Variants in GCNT1 observed in about 807,000 individuals in gnomAD.
GCNT1 encodes beta-1,3-galactosyl-O-glycosyl-glycoprotein beta-1,6-N-acetylglucosaminyltransferase.
Under a neutral mutation model 26.2 loss-of-function variants are expected in GCNT1, and 16 were observed. The observed-to-expected ratio is 0.61, with a 90% CI of 0.41 to 0.93. The LOEUF (loss-of-function observed/expected upper bound fraction) is 0.93, where lower values mean the gene tolerates loss of function less well. Among genes scored for constraint, GCNT1 ranks in the 40% least tolerant of loss-of-function variants. GCNT1 has a pLI of 0.00. For synonymous variants in GCNT1, 183 were observed against 190.8 expected (o/e 0.96, Z 0.34); for missense variants, 477 against 526.7 (o/e 0.91, Z 0.92).
At position 76,422,385 on chromosome 9, in the gene GCNT1, C is replaced by T. The variant is rs114979114; in HGVS notation, n.38+2498C>T. 5.7e-3 allele frequency among the ~76,000 whole-genome samples: 860 copies of T among 152,200 alleles called. 5 individuals carry two copies. The highest frequency in any genetic ancestry group is 0.02 in the African/African-American group (818 of 41,526). On this transcript the variant is annotated intron_variant and non_coding_transcript_variant, in intron 1 of 3. Transcript: ENST00000488136. Reference sequence around the variant, plus strand: ...CACTCAGCAGTAGCATCTTAATCTACGGTATATTTCATCCATTCACTATGC... The same window carrying T: ...CACTCAGCAGTAGCATCTTAATCTATGGTATATTTCATCCATTCACTATGC...
At chr9:76,480,873 G>A (rs1238543323) in intron 2 of GCNT1, among the ~76,000 whole-genome samples, 14 of 151,784 alleles carry the variant, frequency 9.2e-5, no homozygotes, top group South Asian at 2.1e-4. Flanking sequence ...TAACTTAGAG[G>A]CATCAAATTT....
At chr9:76,432,031 C>T (rs764969539) in intron 1 of GCNT1, among the ~76,000 whole-genome samples, 1 of 152,116 alleles carries the variant, frequency 6.6e-6, no homozygotes, top group African/African-American at 2.4e-5. Context: ...ATCGCTTAAA[C>T]CCGGGAGGCA....
upstream of GCNT1, among the ~76,000 whole-genome samples, chr9:76,419,290 T>G (rs1823161377): frequency 6.6e-6 from 1 of 152,224 alleles, no homozygotes; most frequent in Non-Finnish European, 1.5e-5. Flanking sequence ...CCATCTTCAT[T>G]ACTGTGTCAC....
At chr9:76,477,898 G>A (rs769455127) in intron 2 of GCNT1, among the ~76,000 whole-genome samples, 2 of 152,164 alleles carry the variant, frequency 1.3e-5, no homozygotes, top group Non-Finnish European at 2.9e-5. Flanking sequence ...AAGCCAGCTG[G>A]GCTTCTGGGT....
At chr9:76,483,039 T>G (rs1463829905) in intron 2 of GCNT1, among the ~76,000 whole-genome samples, 1 of 152,102 alleles carries the variant, frequency 6.6e-6, no homozygotes, top group Non-Finnish European at 1.5e-5. Flanking sequence ...AATATTGAAA[T>G]GATACATGTG....
At chr9:76,448,140 A>G (rs922521530) in intron 1 of GCNT1, among the ~76,000 whole-genome samples, 1 of 152,186 alleles carries the variant, frequency 6.6e-6, no homozygotes, top group African/African-American at 2.4e-5. Context: ...AGTCTTTACT[A>G]ACAGACACTT....
intron 2 of GCNT1, among the ~76,000 whole-genome samples, chr9:76,474,950 G>A (rs1824220340): frequency 3.3e-5 from 5 of 152,216 alleles, no homozygotes; most frequent in Admixed American, 3.3e-4. Context: ...TTTTTTGTTT[G>A]TTTTGAGACG....
At chr9:76,398,593 T>C in the GCNT1 span, 3 of 704,060 alleles carry the variant, frequency 4.3e-6, no homozygotes, top group Admixed American at 2.1e-5. Context: ...GTGAAAACTT[T>C]TATCCACACA....
chr9:76,415,800 G>GA (rs1823127541), upstream of GCNT1, among the ~76,000 whole-genome samples: 1 of 152,140 alleles, frequency 6.6e-6, no homozygotes, highest in Non-Finnish European at 1.5e-5. Context: ...GAAAACACAA[G>GA]AAAAACCCAA....
At chr9:76,440,864 G>T (rs1823474657), upstream of GCNT1, among the ~76,000 whole-genome samples, 1 of 151,908 alleles carries the variant, frequency 6.6e-6, no homozygotes, top group Non-Finnish European at 1.5e-5. Flanking sequence ...AGGAGATCAA[G>T]ACCAGCCTGA....
chr9:76,469,620 C>G (rs980619689), intron 2 of GCNT1, among the ~76,000 whole-genome samples: 6 of 152,124 alleles, frequency 3.9e-5, no homozygotes, highest in Non-Finnish European at 7.4e-5. Context: ...CACCATTGTT[C>G]TTTGCCGCTG....
At chr9:76,500,472 C>T (rs538225469) in intron 2 of GCNT1, among the ~76,000 whole-genome samples, 1 of 152,042 alleles carries the variant, frequency 6.6e-6, no homozygotes, top group Middle Eastern at 3.2e-3. Flanking sequence ...TGGTCGCTTT[C>T]TGATAGAGGT....
chr9:76,428,302 A>AAAAAAAAAAAAAAAAAAAAAAAAAAG (rs1222053703), intron 1 of GCNT1, among the ~76,000 whole-genome samples: 5 of 149,330 alleles, frequency 3.3e-5, no homozygotes, highest in African/African-American at 4.9e-5. Context: ...TAAAAAAAAA[A>AAAAAAAAAAAAAAAAAAAAAAAAAAG]AGAGAGAGAG....
intron 2 of GCNT1, among the ~76,000 whole-genome samples, chr9:76,468,874 G>C (rs1443661831): frequency 6.6e-6 from 1 of 152,048 alleles, no homozygotes; most frequent in South Asian, 2.1e-4. Context: ...ATTGTAATGC[G>C]AACATATTGC....
chr9:76,431,544 G>A (rs1407149610), intron 1 of GCNT1, among the ~76,000 whole-genome samples: 1 of 152,174 alleles, frequency 6.6e-6, no homozygotes, highest in Non-Finnish European at 1.5e-5. Flanking sequence ...ACATCAATGT[G>A]TTCACCAACC....
intron 2 of GCNT1, among the ~76,000 whole-genome samples, chr9:76,492,659 C>T (rs148440601): frequency 8.3e-4 from 124 of 150,158 alleles, no homozygotes; most frequent in African/African-American, 2.8e-3. Flanking sequence ...CAGTGATTTC[C>T]GCGGCATAGT....
At chr9:76,399,162 G>A in the GCNT1 span, 325 of 1,477,126 alleles carry the variant, frequency 2.2e-4, 1 homozygote, top group East Asian at 6.3e-3. Flanking sequence ...TCTCCTATGC[G>A]CTATGTGGAC....
intron 1 of GCNT1, among the ~76,000 whole-genome samples, chr9:76,453,194 T>G (rs1325791800): frequency 6.6e-6 from 1 of 152,166 alleles, no homozygotes; most frequent in Non-Finnish European, 1.5e-5. Flanking sequence ...TCACCAGTGC[T>G]GTGAAGAGAA....
At chr9:76,478,173 C>G (rs946111916) in intron 2 of GCNT1, among the ~76,000 whole-genome samples, 12 of 152,176 alleles carry the variant, frequency 7.9e-5, no homozygotes, top group African/African-American at 2.7e-4. Flanking sequence ...GCAACCTGCT[C>G]AGGTATCCTT....
Sources: allele counts gnomAD v4.1 joint callset (sites outside exome capture counted in the v4.1 genomes callset), GRCh38; gene constraint gnomAD v4.1.1; transcripts MANE v1.5; gene names NCBI Gene and HGNC (gene_info 2026-07-23, HGNC 2026-07-21).